FER: variants seen among roughly 807,000 people sequenced by gnomAD.
FER encodes the protein FER tyrosine kinase.
In FER, 63 loss-of-function variants were observed where a neutral mutation model predicts 111.0. The observed-to-expected ratio is 0.57, with a 90% confidence interval of 0.46 to 0.70. The LOEUF is 0.70. FER is among the 30% of genes least tolerant of loss of function. The pLI is 0.00. For missense variants in FER, 914 were observed against 954.0 expected (o/e 0.96, Z 0.55); for synonymous variants, 327 against 313.9 (o/e 1.04, Z -0.44).
At chr5:109,001,368 A>G (rs1248860955) in intron 13 of FER, among the ~76,000 whole-genome samples, 2 of 152,216 alleles carry the variant, frequency 1.3e-5, no homozygotes, top group African/African-American at 2.4e-5. Flanking sequence ...TATAAACAGA[A>G]CCAAAGACAA....
intron 1 of FER, among the ~76,000 whole-genome samples, chr5:108,767,027 G>T (rs970788674): frequency 6.6e-6 from 1 of 152,170 alleles, no homozygotes; most frequent in African/African-American, 2.4e-5. Context: ...GAGGCCAGGC[G>T]CAGTGACCCA....
At chr5:109,021,762 G>A (rs540576139) in intron 13 of FER, among the ~76,000 whole-genome samples, 2 of 152,152 alleles carry the variant, frequency 1.3e-5, no homozygotes, top group East Asian at 3.9e-4. Flanking sequence ...TCTTAGATTT[G>A]ATAGATATTT....
chr5:109,178,620 C>T (rs1314497476), intron 17 of FER, among the ~76,000 whole-genome samples: 1 of 152,132 alleles, frequency 6.6e-6, no homozygotes, highest in African/African-American at 2.4e-5. Context: ...GTTGACTATA[C>T]ATATGTGGGT....
chr5:108,760,994 G>A (rs184638538), intron 1 of FER, among the ~76,000 whole-genome samples: 5 of 151,558 alleles, frequency 3.3e-5, no homozygotes, highest in South Asian at 2.1e-4. Context: ...GCAGTGGCAC[G>A]ATCTCTGCTC....
intron 11 of FER, among the ~76,000 whole-genome samples, chr5:108,947,040 G>T (rs1455335296): frequency 6.6e-6 from 1 of 151,872 alleles, no homozygotes. Context: ...TCCTTTTTGT[G>T]ACTGAATAAT....
chr5:109,025,032 A>G (rs567440302), intron 13 of FER, among the ~76,000 whole-genome samples: 7 of 152,124 alleles, frequency 4.6e-5, no homozygotes, highest in South Asian at 4.2e-4. Flanking sequence ...GCTTTGTAGT[A>G]TAGTTTGAAG....
intron 5 of FER, among the ~76,000 whole-genome samples, chr5:108,844,141 T>TATATGTGTGAACAC (rs1554076483): frequency 0.04 from 4,176 of 103,836 alleles, 222 homozygotes; most frequent in African/African-American, 0.059. Flanking sequence ...TGTGAACATA[T>TATATGTGTGAACAC]ATGTGTGTGT....
At chr5:109,009,195 C>G (rs533032149) in intron 13 of FER, among the ~76,000 whole-genome samples, 51 of 151,848 alleles carry the variant, frequency 3.4e-4, no homozygotes, top group African/African-American at 1.0e-3. Context: ...ACCACCATGC[C>G]TGGCTAATTT....
intron 13 of FER, among the ~76,000 whole-genome samples, chr5:109,001,430 A>G (rs958263955): frequency 3.9e-5 from 6 of 152,238 alleles, no homozygotes; most frequent in African/African-American, 1.4e-4. Flanking sequence ...ACAAAATTCA[A>G]CAACCATTCA....
chr5:108,951,907 A>G (rs890436599), intron 11 of FER, among the ~76,000 whole-genome samples: 4 of 152,186 alleles, frequency 2.6e-5, no homozygotes, highest in Non-Finnish European at 4.4e-5. Flanking sequence ...GGGTAAGGAG[A>G]AAAAAATAAT....
intron 16 of FER, among the ~76,000 whole-genome samples, chr5:109,062,577 T>C (rs1179270821): frequency 6.6e-6 from 1 of 152,022 alleles, no homozygotes; most frequent in Non-Finnish European, 1.5e-5. Flanking sequence ...ATGTAAAATA[T>C]GTAGTCTAGA....
At chr5:108,805,211 A>T (rs1757073245) in intron 3 of FER, among the ~76,000 whole-genome samples, 1 of 152,014 alleles carries the variant, frequency 6.6e-6, no homozygotes, top group Non-Finnish European at 1.5e-5. Context: ...TGGTTTTAAA[A>T]ATGGGAACTT....
At chr5:108,998,300 G>A (rs1321805376) in intron 13 of FER, among the ~76,000 whole-genome samples, 1 of 151,968 alleles carries the variant, frequency 6.6e-6, no homozygotes, top group African/African-American at 2.4e-5. Flanking sequence ...GGAATCTCCT[G>A]GTCTGCGGAT....
At chr5:109,122,695 G>C (rs989739826) in intron 17 of FER, among the ~76,000 whole-genome samples, 1 of 151,992 alleles carries the variant, frequency 6.6e-6, no homozygotes, top group African/African-American at 2.4e-5. Context: ...TTGTTGTATT[G>C]GGGTCTCTTT....
intron 9 of FER, among the ~76,000 whole-genome samples, chr5:108,896,054 A>G (rs1314414360): frequency 6.6e-6 from 1 of 152,112 alleles, no homozygotes. Context: ...CATTTTTGAA[A>G]TCATTCACCT....
intron 3 of FER, among the ~76,000 whole-genome samples, chr5:108,822,071 A>T (rs1355183290): frequency 6.6e-6 from 1 of 152,138 alleles, no homozygotes; most frequent in Non-Finnish European, 1.5e-5. Context: ...ACTTTTTAAA[A>T]TTCCACATAT....
intron 11 of FER, among the ~76,000 whole-genome samples, chr5:108,948,193 G>A (rs1757246448): frequency 6.6e-6 from 1 of 151,952 alleles, no homozygotes; most frequent in Non-Finnish European, 1.5e-5. Flanking sequence ...GTGACATAAC[G>A]ATTTACCTCT....
In FER at chr5:108,800,910, G is replaced by T. The variant is rs558891236; in HGVS notation, c.207+2521G>T. On this transcript the variant is annotated intron_variant, in intron 3 of 19. Transcript: ENST00000281092. ...AAATACAAAAAAATTAGCCGGGCGT[G>T]GTGGCGAGTGCCTGTAGTCCCAGCT... Among the ~76,000 whole-genome samples, 3 of 152,278 alleles carry T rather than the reference G, an allele frequency of 2.0e-5. No homozygotes were observed. The East Asian group carries it at 5.8e-4, about 29-fold the overall frequency.
intron 10 of FER, among the ~76,000 whole-genome samples, chr5:108,911,074 T>G (rs188289798): frequency 6.6e-6 from 1 of 152,264 alleles, no homozygotes; most frequent in East Asian, 1.9e-4. Flanking sequence ...TTTAACTAAT[T>G]TACATTCCCA....
Sources: allele counts gnomAD v4.1 joint callset (sites outside exome capture counted in the v4.1 genomes callset), GRCh38; gene constraint gnomAD v4.1.1; transcripts MANE v1.5; gene names NCBI Gene and HGNC (gene_info 2026-07-23, HGNC 2026-07-21).